Variants in DCDC2 observed in about 807,000 individuals in gnomAD.
DCDC2 encodes the protein doublecortin domain-containing protein 2.
A neutral mutation model predicts 50.2 loss-of-function variants in DCDC2; 40 were observed. That is an observed-to-expected ratio of 0.80 (90% CI 0.62 to 1.04). The LOEUF is 1.04. DCDC2 is among the 50% of genes least tolerant of loss of function. The pLI is 0.00. For synonymous variants in DCDC2, 234 were observed against 210.6 expected (o/e 1.11, Z -0.96); for missense variants, 570 against 581.9 (o/e 0.98, Z 0.21).
chr6:24,239,244 A>G (rs956393999), intron 7 of DCDC2, among the ~76,000 whole-genome samples: 6 of 152,210 alleles, frequency 3.9e-5, no homozygotes, highest in African/African-American at 1.4e-4. Flanking sequence ...ACCCAGAGGA[A>G]GAACACCAGG....
At position 24,178,336 on chromosome 6, in the gene DCDC2, T is replaced by G. The variant is rs763616532; in HGVS notation, c.1320A>C (p.Gln440His). 2 of 1,613,174 alleles carry G rather than the reference T, an allele frequency of 1.2e-6. No homozygotes were observed. Among genetic ancestry groups the G allele is most frequent in the Admixed American group, 1.7e-5 (1 of 59,966 alleles). The change falls in exon 9 of 10, where the codon CAA becomes CAC. Residue 440 changes from glutamine to histidine, a missense_variant. Transcript: ENST00000378454. ...ERKSQGAGSGQDEADVDPQRP... is the reference protein window; with the variant it reads ...ERKSQGAGSGHDEADVDPQRP... ...GCAAAAGCAATAGAAATACCTCATC[T>G]TGTCCACTGCCAGCTCCTTGAGACT...
chr6:24,209,785 G>C (rs1016380676), intron 7 of DCDC2, among the ~76,000 whole-genome samples: 1 of 152,012 alleles, frequency 6.6e-6, no homozygotes, highest in Non-Finnish European at 1.5e-5. Flanking sequence ...TGAGCTCTTG[G>C]GAAAAGTAAT....
intron 8 of DCDC2, among the ~76,000 whole-genome samples, chr6:24,183,062 G>A (rs79416398): frequency 5.7e-4 from 87 of 152,184 alleles, no homozygotes; most frequent in Non-Finnish European, 1.1e-3. Context: ...GACAAATACT[G>A]TATGATTCTA....
intron 7 of DCDC2, among the ~76,000 whole-genome samples, chr6:24,215,557 A>T (rs1761955507): frequency 6.6e-6 from 1 of 152,140 alleles, no homozygotes; most frequent in Admixed American, 6.5e-5. Context: ...TGAGGTGGAG[A>T]TATCATGGCA....
chr6:24,217,872 T>C (rs987073978), intron 7 of DCDC2, among the ~76,000 whole-genome samples: 3 of 152,216 alleles, frequency 2.0e-5, no homozygotes, highest in Non-Finnish European at 4.4e-5. Context: ...GAAGTTATAA[T>C]GTACTCAGTT....
chr6:24,259,272 C>T (rs574160416), intron 7 of DCDC2, among the ~76,000 whole-genome samples: 137 of 152,188 alleles, frequency 9.0e-4, no homozygotes, highest in Non-Finnish European at 1.4e-3. Context: ...AATTTGTTTC[C>T]AGGCTCAGAT....
chr6:24,195,753 G>A (rs2113754320), intron 8 of DCDC2, among the ~76,000 whole-genome samples: 1 of 152,292 alleles, frequency 6.6e-6, no homozygotes, highest in East Asian at 1.9e-4. Flanking sequence ...ACCACAAGTT[G>A]AGAATGATTG....
chr6:24,316,114 T>A (rs1759655500), intron 2 of DCDC2, among the ~76,000 whole-genome samples: 1 of 152,136 alleles, frequency 6.6e-6, no homozygotes, highest in Non-Finnish European at 1.5e-5. Context: ...AGTTCAGTCT[T>A]GGACATTACA....
rs1338157220 is a variant in DCDC2, at chr6:24,189,299, GC to G, written c.1024-10668del. ...TTCAGGTTTTCTAGAGAATATGCAT[GC>G]AGTTACTAAGGTTAACTCAGGATTC... On this transcript the variant is annotated intron_variant, in intron 8 of 9. Transcript: ENST00000378454. 4.6e-5 allele frequency among the ~76,000 whole-genome samples: 7 copies of G among 152,296 alleles called. No individual in the cohort carries two copies. In the South Asian group the frequency reaches 1.2e-3, roughly 27 times the overall value.
chr6:24,382,196 C>T, the DCDC2 span, among the ~76,000 whole-genome samples: 1 of 152,060 alleles, frequency 6.6e-6, no homozygotes, highest in Non-Finnish European at 1.5e-5. Context: ...GGAGCAAGAC[C>T]CTCTAAGATT....
rs905585485 is a variant in DCDC2, at chr6:24,272,326, T to G, written c.922+5723A>C. Among the ~76,000 whole-genome samples, 4 of 152,196 alleles carry G rather than the reference T, an allele frequency of 2.6e-5. No individual in the cohort carries two copies. In the South Asian group the frequency reaches 6.2e-4, roughly 24 times the overall value. On this transcript the variant is annotated intron_variant, in intron 7 of 9. Transcript: ENST00000378454. ...ATATATCATTCCAATAAGTGGATCA[T>G]GAAGGTGTGAAAAAATGCTGATCTT...
intron 4 of DCDC2, among the ~76,000 whole-genome samples, chr6:24,292,485 C>T (rs985337464): frequency 6.6e-6 from 1 of 152,206 alleles, no homozygotes; most frequent in Admixed American, 6.5e-5. Flanking sequence ...AGTTAGTATA[C>T]AGATGGTAAA....
intron 7 of DCDC2, among the ~76,000 whole-genome samples, chr6:24,230,567 C>G (rs1762320184): frequency 6.6e-6 from 1 of 152,066 alleles, no homozygotes; most frequent in Non-Finnish European, 1.5e-5. Flanking sequence ...TTGCTTGAGC[C>G]CGGGAGTTCG....
At chr6:24,315,690 G>C (rs1218090735) in intron 2 of DCDC2, among the ~76,000 whole-genome samples, 2 of 152,178 alleles carry the variant, frequency 1.3e-5, no homozygotes, top group Non-Finnish European at 2.9e-5. Flanking sequence ...GGAGTAGCTG[G>C]AGTGCAGTAG....
At chr6:24,200,034 T>C (rs12199816) in intron 8 of DCDC2, among the ~76,000 whole-genome samples, 27,133 of 151,986 alleles carry the variant, frequency 0.18, 2,769 homozygotes, top group African/African-American at 0.25. Context: ...CTACAACTGA[T>C]TGGAGTCCCT....
intron 7 of DCDC2, among the ~76,000 whole-genome samples, chr6:24,251,372 T>C (rs1762789394): frequency 6.6e-6 from 1 of 152,200 alleles, no homozygotes; most frequent in Non-Finnish European, 1.5e-5. Flanking sequence ...TTATTGTTAA[T>C]CGATTTTGGT....
chr6:24,227,335 C>T (rs1345600011), intron 7 of DCDC2, among the ~76,000 whole-genome samples: 1 of 152,136 alleles, frequency 6.6e-6, no homozygotes, highest in Non-Finnish European at 1.5e-5. Flanking sequence ...TCCCACTGGG[C>T]CCTTCTATGT....
upstream of DCDC2, among the ~76,000 whole-genome samples, chr6:24,359,382 ATATATTATATATTATATATATTT>A (rs1561789541): frequency 1.4e-5 from 1 of 73,920 alleles, no homozygotes; most frequent in East Asian, 5.2e-4. Flanking sequence ...TATATATTTT[ATATATTATATATTATATATATTT>A]TATATATTAT....
intron 2 of DCDC2, 178 bp downstream of exon 2, chr6:24,353,391 T>C: frequency 1.5e-6 from 1 of 649,680 alleles, no homozygotes; most frequent in Non-Finnish European, 2.9e-6. Flanking sequence ...TACTCAGTCT[T>C]TTCATTTCTG....
Sources: gnomAD v4.1 joint callset for allele counts (sites outside exome capture counted in the v4.1 genomes callset) on GRCh38, gnomAD v4.1.1 for gene constraint, MANE v1.5 for transcripts, NCBI Gene and HGNC (gene_info 2026-07-23, HGNC 2026-07-21) for gene names.